GRIA1: variants seen among roughly 807,000 people sequenced by gnomAD.
GRIA1 encodes glutamate receptor 1.
GRIA1 carries 31 observed loss-of-function variants against 99.2 expected under a neutral mutation model. The ratio of observed to expected loss-of-function variants is 0.31; its 90% CI spans 0.23 to 0.42. The LOEUF is 0.42. Ranked by LOEUF, GRIA1 falls within the 10% of genes least tolerant of loss-of-function variation. The pLI, the probability that GRIA1 is intolerant of heterozygous loss-of-function variation, is 1.00. For missense variants in GRIA1, 782 were observed against 1,157.5 expected (o/e 0.68, Z 4.71); for synonymous variants, 438 against 432.4 (o/e 1.01, Z -0.16).
chr5:153,507,492 C>T (rs1024114437), intron 2 of GRIA1, among the ~76,000 whole-genome samples: 3 of 152,186 alleles, frequency 2.0e-5, no homozygotes, highest in Non-Finnish European at 4.4e-5. Context: ...TCCTGCCAAA[C>T]TCATTGCTCT....
rs901057021 is a variant in GRIA1, at chr5:153,729,078, T to C, written c.1823+23011T>C. Among the ~76,000 whole-genome samples, 4 of 150,436 alleles carry C rather than the reference T, an allele frequency of 2.7e-5. No homozygotes were observed. In the East Asian group the frequency reaches 8.1e-4, roughly 30 times the overall value. On this transcript the variant is annotated intron_variant, in intron 11 of 15. Coordinates refer to ENST00000285900, the MANE Select transcript of GRIA1 (RefSeq NM_000827.4). ...CATAAAAAATGATGAGTTCGTGTCC[T>C]TTGTAGGGACGTGGATGAAATTGGA...
intron 7 of GRIA1, 59 bp from the exon 8 acceptor site, chr5:153,686,166 A>C: frequency 8.0e-7 from 1 of 1,255,120 alleles, no homozygotes; most frequent in South Asian, 1.2e-5. Context: ...CAGTGGAAAA[A>C]GCAAACACAC....
chr5:153,744,283 T>C (rs951277990), intron 11 of GRIA1, among the ~76,000 whole-genome samples: 2 of 152,352 alleles, frequency 1.3e-5, no homozygotes, highest in African/African-American at 2.4e-5. Flanking sequence ...ATTAGTCTTT[T>C]ATAATACTTT....
At chr5:153,603,934 A>T (rs561158583) in intron 2 of GRIA1, among the ~76,000 whole-genome samples, 1 of 152,356 alleles carries the variant, frequency 6.6e-6, no homozygotes, top group East Asian at 1.9e-4. Context: ...AGCTCTCCAT[A>T]AATGGTAATA....
At chr5:153,611,653 C>G (rs1001655971) in intron 2 of GRIA1, among the ~76,000 whole-genome samples, 1 of 152,126 alleles carries the variant, frequency 6.6e-6, no homozygotes, top group Non-Finnish European at 1.5e-5. Context: ...AAATTAAAGT[C>G]GGAGGCAGCT....
intron 5 of GRIA1, among the ~76,000 whole-genome samples, chr5:153,665,184 A>G (rs13173910): frequency 0.062 from 9,518 of 152,310 alleles, 313 homozygotes; most frequent in Middle Eastern, 0.13. Flanking sequence ...TGGAGTCCCT[A>G]ACCTTCTGCC....
intron 2 of GRIA1, among the ~76,000 whole-genome samples, chr5:153,535,735 C>A (rs1758506894): frequency 6.6e-6 from 1 of 152,228 alleles, no homozygotes; most frequent in African/African-American, 2.4e-5. Context: ...TTCACCTCCA[C>A]CTTGTCTTAC....
At chr5:153,800,536 A>G (rs1765940303) in intron 14 of GRIA1, among the ~76,000 whole-genome samples, 1 of 152,202 alleles carries the variant, frequency 6.6e-6, no homozygotes, top group South Asian at 2.1e-4. Flanking sequence ...CCTTTGAATA[A>G]TCATTTCTAC....
At chr5:153,724,855 T>C (rs1254949873) in intron 11 of GRIA1, among the ~76,000 whole-genome samples, 2 of 152,196 alleles carry the variant, frequency 1.3e-5, no homozygotes, top group Admixed American at 6.5e-5. Flanking sequence ...TTCCCCAATC[T>C]AGCAAGGCAG....
chr5:153,551,063 A>T (rs1483593270), intron 2 of GRIA1, among the ~76,000 whole-genome samples: 1 of 152,094 alleles, frequency 6.6e-6, no homozygotes, highest in African/African-American at 2.4e-5. Context: ...AGTTTTTTTT[A>T]AAAGCTATTA....
intron 13 of GRIA1, among the ~76,000 whole-genome samples, 190 bp from the exon 14 acceptor site, chr5:153,794,431 C>G (rs1448549710): frequency 6.6e-6 from 1 of 152,172 alleles, no homozygotes; most frequent in Admixed American, 6.5e-5. Context: ...TAATGGGAGT[C>G]AATGATGGAG....
intron 11 of GRIA1, among the ~76,000 whole-genome samples, chr5:153,735,739 T>A (rs1761336952): frequency 6.6e-6 from 1 of 152,016 alleles, no homozygotes; most frequent in South Asian, 2.1e-4. Flanking sequence ...GAATACATAT[T>A]TAAAAAATAA....
intron 12 of GRIA1, 140 bp from the exon 13 acceptor site, chr5:153,770,028 C>A: frequency 1.3e-6 from 1 of 795,820 alleles, no homozygotes; most frequent in Non-Finnish European, 2.1e-6. Context: ...TCTTATTTTG[C>A]AATCACTCAT....
chr5:153,599,253 C>G (rs936259841), intron 2 of GRIA1, among the ~76,000 whole-genome samples: 6 of 152,178 alleles, frequency 3.9e-5, no homozygotes, highest in Non-Finnish European at 8.8e-5. Context: ...TAGTTTGACA[C>G]TTTTTATTAC....
At chr5:153,580,656 T>C (rs1762965172) in intron 2 of GRIA1, among the ~76,000 whole-genome samples, 1 of 152,206 alleles carries the variant, frequency 6.6e-6, no homozygotes, top group Admixed American at 6.5e-5. Flanking sequence ...AACATTCTAC[T>C]CAGATGCAGG....
At chr5:153,614,579 A>C (rs1766303260) in intron 2 of GRIA1, among the ~76,000 whole-genome samples, 1 of 152,172 alleles carries the variant, frequency 6.6e-6, no homozygotes, top group East Asian at 1.9e-4. Context: ...CCAGGCATTG[A>C]CTCCAAAACC....
At chr5:153,761,357 C>T (rs1483256897) in intron 11 of GRIA1, among the ~76,000 whole-genome samples, 1 of 151,980 alleles carries the variant, frequency 6.6e-6, no homozygotes, top group African/African-American at 2.4e-5. Context: ...GGGCAAAAAA[C>T]CTGCATAGAC....
At chr5:153,600,235 C>CA (rs900121268) in intron 2 of GRIA1, among the ~76,000 whole-genome samples, 7 of 151,418 alleles carry the variant, frequency 4.6e-5, no homozygotes, top group East Asian at 2.0e-4. Flanking sequence ...ACTAAAAATA[C>CA]AAAAAAACTA....
chr5:153,620,357 C>T (rs1049843625), intron 2 of GRIA1, among the ~76,000 whole-genome samples: 1 of 151,760 alleles, frequency 6.6e-6, no homozygotes, highest in Non-Finnish European at 1.5e-5. Context: ...CTACTTGAGA[C>T]AATGCGACAA....
Sources: allele counts gnomAD v4.1 joint callset (sites outside exome capture counted in the v4.1 genomes callset), GRCh38; gene constraint gnomAD v4.1.1; transcripts MANE v1.5; gene names NCBI Gene and HGNC (gene_info 2026-07-23, HGNC 2026-07-21).